KIAA1217: variants seen among roughly 807,000 people sequenced by gnomAD.
The protein encoded by KIAA1217 is KIAA1217.
KIAA1217 carries 88 observed loss-of-function variants against 163.9 expected under a neutral mutation model. That is an observed-to-expected ratio of 0.54 (90% CI 0.45 to 0.64). The LOEUF is 0.64. Ranked by LOEUF, KIAA1217 falls within the 30% of genes least tolerant of loss-of-function variation. The pLI is 0.00. For synonymous variants in KIAA1217, 903 were observed against 923.1 expected (o/e 0.98, Z 0.39); for missense variants, 2,372 against 2,475.0 (o/e 0.96, Z 0.88).
At chr10:23,937,540 C>T (rs2131327411) in intron 1 of KIAA1217, among the ~76,000 whole-genome samples, 1 of 152,272 alleles carries the variant, frequency 6.6e-6, no homozygotes, top group East Asian at 1.9e-4. Context: ...TACCTAGCCC[C>T]ACTATCCCAT....
At chr10:23,933,159 T>A (rs1294872260) in intron 1 of KIAA1217, among the ~76,000 whole-genome samples, 2 of 152,238 alleles carry the variant, frequency 1.3e-5, no homozygotes, top group Admixed American at 1.3e-4. Flanking sequence ...GGAGCTAGGG[T>A]CTGCTCGCTT....
intron 2 of KIAA1217, among the ~76,000 whole-genome samples, chr10:24,251,931 G>A (rs1320550818): frequency 6.6e-6 from 1 of 151,170 alleles, no homozygotes; most frequent in Non-Finnish European, 1.5e-5. Context: ...GCAGATCAGA[G>A]GCAGTGTGTG....
At chr10:24,538,274 C>T (rs1349694882) in intron 17 of KIAA1217, among the ~76,000 whole-genome samples, 1 of 152,126 alleles carries the variant, frequency 6.6e-6, no homozygotes, top group South Asian at 2.1e-4. Flanking sequence ...ATAACCACCA[C>T]GGCACCCTTG....
rs191010068 is a variant in KIAA1217 at position 24,532,405 on chromosome 10, T to G, written c.3246+412T>G. Reference sequence around the variant, plus strand: ...TTAACTAACCAAGTGTTAGCTTTCATGTTAAATGTAAAACACAATTTCCAA... The same window carrying G: ...TTAACTAACCAAGTGTTAGCTTTCAGGTTAAATGTAAAACACAATTTCCAA... On this transcript the variant is annotated intron_variant, in intron 15 of 20. Transcript: ENST00000376454. Among the ~76,000 whole-genome samples the G allele has an allele frequency of 1.7e-3, 253 of 152,344 alleles. 5 individuals carry two copies. Among genetic ancestry groups the G allele is most frequent in the African/African-American group, 5.7e-3 (238 of 41,580 alleles).
intron 2 of KIAA1217, among the ~76,000 whole-genome samples, chr10:24,348,048 G>A (rs1480546852): frequency 1.3e-5 from 2 of 152,170 alleles, no homozygotes; most frequent in African/African-American, 4.8e-5. Flanking sequence ...TTGATCATAT[G>A]AACTTAAGAT....
chr10:24,415,140 G>A (rs1263616688), intron 3 of KIAA1217, among the ~76,000 whole-genome samples: 2 of 136,988 alleles, frequency 1.5e-5, no homozygotes, highest in Non-Finnish European at 3.1e-5. Flanking sequence ...TTGAGATAGA[G>A]TCTTTCTGTT....
chr10:23,855,281 T>C (rs1048045682), intron 1 of KIAA1217, among the ~76,000 whole-genome samples: 8 of 152,210 alleles, frequency 5.3e-5, no homozygotes, highest in Non-Finnish European at 1.0e-4. Context: ...TGAAGCTTAG[T>C]TTGGGTGGAT....
At chr10:24,167,663 A>C (rs1055828729) in intron 2 of KIAA1217, among the ~76,000 whole-genome samples, 1 of 152,240 alleles carries the variant, frequency 6.6e-6, no homozygotes, top group African/African-American at 2.4e-5. Flanking sequence ...ATTCATGAAC[A>C]AAACTCTTTC....
chr10:24,407,278 G>C (rs1306141399), intron 3 of KIAA1217, among the ~76,000 whole-genome samples: 1 of 151,976 alleles, frequency 6.6e-6, no homozygotes, highest in Non-Finnish European at 1.5e-5. Flanking sequence ...GTGTGTGTGT[G>C]TGTGTGTGCG....
At chr10:24,269,817 C>T (rs1418935152) in intron 2 of KIAA1217, among the ~76,000 whole-genome samples, 1 of 152,174 alleles carries the variant, frequency 6.6e-6, no homozygotes, top group Non-Finnish European at 1.5e-5. Flanking sequence ...TTAGGAGTAG[C>T]AGAGTGTCAA....
intron 1 of KIAA1217, among the ~76,000 whole-genome samples, chr10:24,210,467 G>A (rs907130169): frequency 5.9e-4 from 9 of 15,132 alleles, no homozygotes; most frequent in African/African-American, 1.7e-3. Context: ...CCTGACCCCC[G>A]CAACCCCCCA....
chr10:23,773,078 A>G (rs538468358), intron 1 of KIAA1217, among the ~76,000 whole-genome samples: 1 of 152,312 alleles, frequency 6.6e-6, no homozygotes, highest in South Asian at 2.1e-4. Context: ...ATTCAATAAT[A>G]AGAATGGACA....
intron 14 of KIAA1217, among the ~76,000 whole-genome samples, chr10:24,530,622 C>T (rs555351488): frequency 2.0e-5 from 3 of 152,258 alleles, no homozygotes; most frequent in East Asian, 1.9e-4. Context: ...TAAAGGCTGG[C>T]GTGGTGGCTC....
intron 3 of KIAA1217, among the ~76,000 whole-genome samples, chr10:24,382,839 C>CTTTT (rs1251130955): frequency 8.0e-5 from 9 of 112,284 alleles, no homozygotes; most frequent in East Asian, 2.5e-4. Flanking sequence ...TGTGGTTTTT[C>CTTTT]TTTTCTTTTT....
intron 1 of KIAA1217, among the ~76,000 whole-genome samples, chr10:23,767,124 T>A (rs1282322823): frequency 6.6e-6 from 1 of 151,914 alleles, no homozygotes; most frequent in African/African-American, 2.4e-5. Flanking sequence ...GAAATGATAT[T>A]GAAAAAGAGA....
intron 1 of KIAA1217, among the ~76,000 whole-genome samples, chr10:23,775,885 T>A (rs1248170757): frequency 6.6e-6 from 1 of 152,202 alleles, no homozygotes; most frequent in Non-Finnish European, 1.5e-5. Context: ...TTCTATTTTA[T>A]ACATTCTTAA....
At chr10:24,498,681 TGTG>T (rs961108109) in intron 8 of KIAA1217, among the ~76,000 whole-genome samples, 1 of 152,088 alleles carries the variant, frequency 6.6e-6, no homozygotes, top group African/African-American at 2.4e-5. Flanking sequence ...ATTAGCCAGA[TGTG>T]GTGGCACATA....
At chr10:24,306,389 C>T (rs951384706) in intron 2 of KIAA1217, among the ~76,000 whole-genome samples, 2 of 152,132 alleles carry the variant, frequency 1.3e-5, no homozygotes, top group Non-Finnish European at 2.9e-5. Context: ...CATCGTTTTG[C>T]CCCAAACCTA....
chr10:24,496,707 C>T (rs532734475), intron 8 of KIAA1217, among the ~76,000 whole-genome samples: 16 of 152,334 alleles, frequency 1.1e-4, no homozygotes, highest in East Asian at 3.9e-4. Flanking sequence ...CATCCACACA[C>T]GTGACACACA....
Sources: gnomAD v4.1 joint callset for allele counts (sites outside exome capture counted in the v4.1 genomes callset) on GRCh38, gnomAD v4.1.1 for gene constraint, MANE v1.5 for transcripts, NCBI Gene and HGNC (gene_info 2026-07-23, HGNC 2026-07-21) for gene names.